GSG1L: variants seen among roughly 807,000 people sequenced by gnomAD.
GSG1L encodes the protein germ cell-specific gene 1-like protein.
A neutral mutation model predicts 42.1 loss-of-function variants in GSG1L; 24 were observed. The ratio of observed to expected loss-of-function variants is 0.57; its 90% CI spans 0.41 to 0.80. The LOEUF (loss-of-function observed/expected upper bound fraction) is 0.80. Ranked by LOEUF, GSG1L falls within the 30% of genes least tolerant of loss-of-function variation. The probability of loss-of-function intolerance (pLI) is 0.00; values close to 1 mark genes in which losing one functional copy is unlikely to be tolerated. For missense variants in GSG1L, 445 were observed against 472.2 expected (o/e 0.94, Z 0.53); for synonymous variants, 215 against 203.5 (o/e 1.06, Z -0.48).
chr16:27,887,450 C>T (rs1429335425), intron 2 of GSG1L, among the ~76,000 whole-genome samples: 1 of 152,190 alleles, frequency 6.6e-6, no homozygotes, highest in East Asian at 1.9e-4. Context: ...GCTGCCGGTC[C>T]TTTGTTCTTT....
intron 6 of GSG1L, among the ~76,000 whole-genome samples, chr16:27,796,675 G>A (rs79659388): frequency 0.013 from 1,926 of 152,288 alleles, 55 homozygotes; most frequent in African/African-American, 0.044. Context: ...TACCTCAGGC[G>A]GGCTGTTTTA....
intron 2 of GSG1L, among the ~76,000 whole-genome samples, chr16:27,935,045 G>T (rs546842423): frequency 6.6e-6 from 1 of 152,358 alleles, no homozygotes; most frequent in African/African-American, 2.4e-5. Flanking sequence ...TCGGGGATTT[G>T]CAGGAGGGAC....
At chr16:27,910,547 G>GTT (rs2084376205) in intron 2 of GSG1L, among the ~76,000 whole-genome samples, 1 of 152,184 alleles carries the variant, frequency 6.6e-6, no homozygotes, top group African/African-American at 2.4e-5. Context: ...TTTGAACCAG[G>GTT]CCACTTGAGG....
intron 6 of GSG1L, among the ~76,000 whole-genome samples, chr16:27,803,676 C>G (rs2082910022): frequency 6.6e-6 from 1 of 151,712 alleles, no homozygotes; most frequent in African/African-American, 2.4e-5. Flanking sequence ...ACGACTGCAA[C>G]AGCAAAACAT....
intron 2 of GSG1L, among the ~76,000 whole-genome samples, chr16:27,888,565 T>TTCTTTCTTTCTTTCTTTCTC (rs2084082719): frequency 1.3e-5 from 1 of 77,546 alleles, no homozygotes; most frequent in Non-Finnish European, 2.5e-5. Context: ...CTTTCTTTCT[T>TTCTTTCTTTCTTTCTTTCTC]TCTTTCTTTC....
intron 2 of GSG1L, among the ~76,000 whole-genome samples, chr16:27,961,221 C>T (rs2141105989): frequency 6.6e-6 from 1 of 152,348 alleles, no homozygotes; most frequent in East Asian, 1.9e-4. Flanking sequence ...TGCATGCGTG[C>T]ACACACATAG....
At position 27,904,684 on chromosome 16, in the gene GSG1L, C is replaced by T. The variant is rs558247875; in HGVS notation, c.398-20046G>A. 7.2e-5 allele frequency among the ~76,000 whole-genome samples: 11 copies of T among 152,294 alleles called. No individual in the cohort carries two copies. The South Asian group carries it at 2.3e-3, about 32-fold the overall frequency. The stretch of plus-strand genomic sequence containing the variant: ...TCCCTCCCCTTCCTTCCTGAGGCTC[C>T]TTTCCAGCCACAAAACTCATTCCCA... On this transcript the variant is annotated intron_variant, in intron 2 of 6. Transcript: ENST00000447459.
chr16:27,993,726 A>G (rs1329047664), intron 1 of GSG1L, among the ~76,000 whole-genome samples: 1 of 152,188 alleles, frequency 6.6e-6, no homozygotes, highest in Non-Finnish European at 1.5e-5. Flanking sequence ...AGGCACAGAT[A>G]AGGAAACTTG....
At chr16:28,056,051 G>T (rs1035707884) in intron 1 of GSG1L, among the ~76,000 whole-genome samples, 1 of 152,128 alleles carries the variant, frequency 6.6e-6, no homozygotes, top group Non-Finnish European at 1.5e-5. Context: ...GGAGTAGAGA[G>T]CCCCGGCCTC....
rs1433210927 is a variant in GSG1L at position 27,888,432 on chromosome 16, CTT to C, written c.398-3796_398-3795del. Among the ~76,000 whole-genome samples, 2 of 21,776 alleles carry C rather than the reference CTT, an allele frequency of 9.2e-5. 1 individual carries two copies. The highest frequency in any genetic ancestry group is 3.1e-4 in the Non-Finnish European group (2 of 6,520). 14.3% of individuals were successfully genotyped at this position (21,776 alleles called of 152,430 possible). A position where few individuals can be genotyped will look rare whatever the true frequency, so the allele number is the denominator to read the frequency against. On this transcript the variant is annotated intron_variant, in intron 2 of 6. Transcript: ENST00000447459. ...TCTTTCTTTCTTTCTTTCTTTCTTT[CTT>C]TCTTTCTTTCTTTCTTTCTTTCTTT...
intron 3 of GSG1L, among the ~76,000 whole-genome samples, chr16:27,854,946 C>T (rs758522758): frequency 7.2e-5 from 11 of 152,170 alleles, no homozygotes; most frequent in Non-Finnish European, 1.5e-4. Context: ...CTCATCTCTA[C>T]CTTCTACATT....
At chr16:27,922,198 C>T (rs1035250745) in intron 2 of GSG1L, among the ~76,000 whole-genome samples, 11 of 152,092 alleles carry the variant, frequency 7.2e-5, no homozygotes, top group Non-Finnish European at 1.6e-4. Flanking sequence ...CTCATTCCTC[C>T]ATCTCTCTTG....
At chr16:28,055,785 CT>C (rs1461428624) in intron 1 of GSG1L, among the ~76,000 whole-genome samples, 2 of 152,146 alleles carry the variant, frequency 1.3e-5, no homozygotes, top group African/African-American at 4.8e-5. Context: ...CCCTTTTATT[CT>C]TATCTGGGGT....
chr16:28,029,871 T>C (rs113395529), intron 1 of GSG1L, among the ~76,000 whole-genome samples: 100 of 152,286 alleles, frequency 6.6e-4, no homozygotes, highest in African/African-American at 2.3e-3. Flanking sequence ...GGATAGCGTG[T>C]GTGTGTGTGT....
chr16:27,880,674 C>T (rs962043821), intron 3 of GSG1L, among the ~76,000 whole-genome samples: 5 of 152,142 alleles, frequency 3.3e-5, no homozygotes, highest in Non-Finnish European at 5.9e-5. Flanking sequence ...TTCAGAACCC[C>T]TTGGAGGTAG....
intron 1 of GSG1L, among the ~76,000 whole-genome samples, chr16:28,028,118 C>T (rs2085920542): frequency 6.6e-6 from 1 of 152,174 alleles, no homozygotes; most frequent in African/African-American, 2.4e-5. Context: ...GCCCAAGAGT[C>T]AGACTGCCCT....
At chr16:28,019,484 G>A (rs1420349712) in intron 1 of GSG1L, among the ~76,000 whole-genome samples, 1 of 152,168 alleles carries the variant, frequency 6.6e-6, no homozygotes, top group Non-Finnish European at 1.5e-5. Context: ...TCTTGAATAA[G>A]TTTTCACGAG....
intron 1 of GSG1L, among the ~76,000 whole-genome samples, chr16:28,043,496 G>T (rs2086131554): frequency 6.6e-6 from 1 of 152,368 alleles, no homozygotes; most frequent in Non-Finnish European, 1.5e-5. Flanking sequence ...AGACATAGAG[G>T]TCAGAGGACA....
intron 2 of GSG1L, among the ~76,000 whole-genome samples, chr16:27,887,165 C>T (rs1323302363): frequency 2.0e-5 from 3 of 151,874 alleles, no homozygotes; most frequent in African/African-American, 2.4e-5. Flanking sequence ...CATGTTGCGC[C>T]GGCTGGTCTC....
Sources: allele counts gnomAD v4.1 joint callset (sites outside exome capture counted in the v4.1 genomes callset), GRCh38; gene constraint gnomAD v4.1.1; transcripts MANE v1.5; gene names NCBI Gene and HGNC (gene_info 2026-07-23, HGNC 2026-07-21).